Variants in HDAC9 observed in about 807,000 individuals in gnomAD.
HDAC9 encodes MEF-2 interacting transcription repressor (MITR) protein.
A neutral mutation model predicts 139.4 loss-of-function variants in HDAC9; 41 were observed. That is an observed-to-expected ratio of 0.29 (90% CI 0.23 to 0.38). HDAC9 has a LOEUF of 0.38. HDAC9 is among the 10% of genes least tolerant of loss of function. HDAC9 has a pLI of 1.00. For synonymous variants in HDAC9, 517 were observed against 476.2 expected, an observed-to-expected ratio of 1.09 and a Z score of -1.12; for missense variants, 1,147 against 1,297.0, an observed-to-expected ratio of 0.88 and a Z score of 1.78.
chr7:18,802,764 AT>A (rs1051464410), intron 17 of HDAC9, among the ~76,000 whole-genome samples: 75 of 151,590 alleles, frequency 4.9e-4, no homozygotes, highest in African/African-American at 1.8e-3. Context: ...TTAAGTAAAT[AT>A]TTTTATCCTC....
chr7:18,098,527 T>G (rs74371137), intron 1 of HDAC9, among the ~76,000 whole-genome samples: 9,013 of 152,278 alleles, frequency 0.059, 392 homozygotes, highest in South Asian at 0.17. Flanking sequence ...TTTTGTTCAT[T>G]TTTTTAGTCT....
At chr7:18,242,636 T>G (rs1396761847) in intron 2 of HDAC9, among the ~76,000 whole-genome samples, 1 of 152,196 alleles carries the variant, frequency 6.6e-6, no homozygotes, top group Non-Finnish European at 1.5e-5. Flanking sequence ...TCAATCTGTA[T>G]TTCATAGTGA....
intron 2 of HDAC9, among the ~76,000 whole-genome samples, chr7:18,572,498 A>G (rs1824643097): frequency 6.6e-6 from 1 of 151,902 alleles, no homozygotes; most frequent in African/African-American, 2.4e-5. Flanking sequence ...AAAATACGGG[A>G]AAGGGGACGG....
chr7:18,448,069 A>G (rs1018158766), intron 1 of HDAC9, among the ~76,000 whole-genome samples: 1 of 151,928 alleles, frequency 6.6e-6, no homozygotes, highest in Non-Finnish European at 1.5e-5. Context: ...TCCAACTCCA[A>G]CTCCAACTCC....
At chr7:18,869,148 GT>G (rs1554385720) in intron 21 of HDAC9, among the ~76,000 whole-genome samples, 53 of 28,026 alleles carry the variant, frequency 1.9e-3, no homozygotes, top group South Asian at 0.011. Flanking sequence ...CACAATTGGG[GT>G]GTGTGTGTGT....
intron 22 of HDAC9, among the ~76,000 whole-genome samples, chr7:18,922,045 A>C (rs1319195938): frequency 1.6e-5 from 2 of 128,838 alleles, no homozygotes; most frequent in African/African-American, 2.9e-5. Flanking sequence ...ACATGGACAC[A>C]GGAAGGGGAA....
At chr7:18,952,613 C>A (rs530669290) in intron 23 of HDAC9, among the ~76,000 whole-genome samples, 1 of 151,940 alleles carries the variant, frequency 6.6e-6, no homozygotes, top group South Asian at 2.1e-4. Flanking sequence ...AGCAAAGTAG[C>A]CCTCTGAACC....
At chr7:18,216,125 TGTGTGAGAGA>T (rs1225950003) in intron 2 of HDAC9, among the ~76,000 whole-genome samples, 76 of 150,732 alleles carry the variant, frequency 5.0e-4, no homozygotes, top group African/African-American at 1.7e-3. Flanking sequence ...TGTGTGTGTG[TGTGTGAGAGA>T]GAGAGAGAGA....
rs919765479 is a variant in HDAC9, at chr7:18,507,082, T to C, written c.22+10758T>C. 2.6e-5 allele frequency among the ~76,000 whole-genome samples: 4 copies of C among 151,802 alleles called. No homozygotes were observed. The South Asian group carries it at 8.3e-4, about 31-fold the overall frequency. ...CATTTTTCCTAAATGATAAAAATGT[T>C]AAAATGGATGTTAGTGCATTTTATG... is the stretch of plus-strand genomic sequence containing the variant. On this transcript the variant is annotated intron_variant, in intron 2 of 25. Coordinates refer to ENST00000686413, the MANE Select transcript of HDAC9 (RefSeq NM_178425.4).
chr7:18,784,452 G>A (rs1791524198), intron 16 of HDAC9, among the ~76,000 whole-genome samples: 2 of 151,746 alleles, frequency 1.3e-5, no homozygotes, highest in South Asian at 4.1e-4. Flanking sequence ...CATTTTAGAA[G>A]AGAAGGTTGC....
At chr7:18,221,285 A>G (rs545981323) in intron 2 of HDAC9, among the ~76,000 whole-genome samples, 1 of 152,078 alleles carries the variant, frequency 6.6e-6, no homozygotes, top group South Asian at 2.1e-4. Flanking sequence ...GTGTATTTTT[A>G]GTAGAGATGG....
At chr7:18,506,197 G>A (rs932281188) in intron 2 of HDAC9, among the ~76,000 whole-genome samples, 1 of 152,152 alleles carries the variant, frequency 6.6e-6, no homozygotes, top group Non-Finnish European at 1.5e-5. Context: ...TGTGCTTAGG[G>A]TGATTGCAGA....
At chr7:18,264,600 T>C (rs1013653252) in intron 2 of HDAC9, among the ~76,000 whole-genome samples, 58 of 152,334 alleles carry the variant, frequency 3.8e-4, no homozygotes, top group African/African-American at 1.2e-3. Context: ...AAATGACATA[T>C]AATTATTATG....
chr7:18,968,158 A>G (rs1468039543), intron 24 of HDAC9, among the ~76,000 whole-genome samples: 2 of 152,080 alleles, frequency 1.3e-5, no homozygotes, highest in African/African-American at 4.8e-5. Flanking sequence ...GCAAAACTCC[A>G]CCTAAAAAAG....
chr7:18,252,917 T>C (rs1290600265), intron 2 of HDAC9, among the ~76,000 whole-genome samples: 2 of 152,104 alleles, frequency 1.3e-5, no homozygotes, highest in African/African-American at 4.8e-5. Context: ...CGTCTCCCTC[T>C]TCCATCCTCC....
intron 21 of HDAC9, among the ~76,000 whole-genome samples, chr7:18,873,141 A>G (rs1309525667): frequency 6.6e-6 from 1 of 152,132 alleles, no homozygotes; most frequent in Non-Finnish European, 1.5e-5. Flanking sequence ...AATTACTGGG[A>G]TGGGGAAGAA....
At chr7:18,478,570 T>G (rs1330965897) in intron 1 of HDAC9, among the ~76,000 whole-genome samples, 1 of 152,164 alleles carries the variant, frequency 6.6e-6, no homozygotes, top group East Asian at 1.9e-4. Flanking sequence ...AAGAATACAT[T>G]TAGTTTAAAT....
At chr7:18,308,393 C>G (rs963376893) in intron 1 of HDAC9, among the ~76,000 whole-genome samples, 7 of 152,152 alleles carry the variant, frequency 4.6e-5, no homozygotes, top group Non-Finnish European at 7.3e-5. Flanking sequence ...AAGGTACACT[C>G]GAACTCTGAT....
intron 12 of HDAC9, among the ~76,000 whole-genome samples, chr7:18,670,770 TTCTCTC>T (rs1215290138): frequency 5.4e-4 from 82 of 152,056 alleles, no homozygotes; most frequent in Middle Eastern, 3.4e-3. Context: ...ATTCAGTTGT[TTCTCTC>T]TCTCTCCTCA....
Sources: allele counts gnomAD v4.1 joint callset (sites outside exome capture counted in the v4.1 genomes callset), GRCh38; gene constraint gnomAD v4.1.1; transcripts MANE v1.5; gene names NCBI Gene and HGNC (gene_info 2026-07-23, HGNC 2026-07-21).